Variants in SIL1 observed in about 807,000 individuals in gnomAD.
The protein encoded by SIL1 is SIL1 nucleotide exchange factor, also known as nucleotide exchange factor SIL1.
SIL1 carries 40 observed loss-of-function variants against 49.1 expected under a neutral mutation model. The observed-to-expected ratio is 0.81, with a 90% CI of 0.63 to 1.06. The LOEUF is 1.06. Among genes scored for constraint, SIL1 ranks in the 50% least tolerant of loss-of-function variants. The probability of loss-of-function intolerance (pLI) is 0.00; values close to 1 mark genes in which losing one functional copy is unlikely to be tolerated. For synonymous variants in SIL1, 253 were observed against 250.8 expected (o/e 1.01, Z -0.08); for missense variants, 500 against 572.6 (o/e 0.87, Z 1.29).
At chr5:139,168,534 G>A (rs1751670182) in intron 1 of SIL1, among the ~76,000 whole-genome samples, 1 of 152,136 alleles carries the variant, frequency 6.6e-6, no homozygotes, top group Non-Finnish European at 1.5e-5. Flanking sequence ...CAAAGTAGTA[G>A]CAGAGATTGT....
chr5:139,132,990 A>C (rs149423423), intron 1 of SIL1, among the ~76,000 whole-genome samples: 10 of 152,162 alleles, frequency 6.6e-5, no homozygotes, highest in African/African-American at 2.4e-4. Flanking sequence ...TGGCCTGATG[A>C]TAGTGCCATT....
At chr5:139,166,928 C>G (rs1303719782) in intron 1 of SIL1, among the ~76,000 whole-genome samples, 6 of 152,208 alleles carry the variant, frequency 3.9e-5, no homozygotes, top group Non-Finnish European at 7.3e-5. Context: ...CCTGCCTCAG[C>G]CTCCCAAGTA....
chr5:139,138,593 G>A (rs1327450431), intron 1 of SIL1, among the ~76,000 whole-genome samples: 2 of 152,186 alleles, frequency 1.3e-5, no homozygotes, highest in Non-Finnish European at 2.9e-5. Flanking sequence ...CTAGCTGTGT[G>A]ACTTTGGGCC....
chr5:139,038,833 A>G (rs1041683094), intron 5 of SIL1, among the ~76,000 whole-genome samples: 1 of 152,218 alleles, frequency 6.6e-6, no homozygotes, highest in African/African-American at 2.4e-5. Context: ...AGAGGGAAGC[A>G]GAATGCTGCC....
chr5:139,084,796 T>A (rs11242446), intron 3 of SIL1, among the ~76,000 whole-genome samples: 60,497 of 151,490 alleles, frequency 0.4, 12,485 homozygotes, highest in Middle Eastern at 0.46. Context: ...AAAATAAAAA[T>A]AAATAAAAAA....
At chr5:138,952,404 G>A (rs1216753864) in intron 7 of SIL1, among the ~76,000 whole-genome samples, 1 of 152,192 alleles carries the variant, frequency 6.6e-6, no homozygotes, top group African/African-American at 2.4e-5. Context: ...AAATGCTTGC[G>A]GGAGAAGGCA....
chr5:139,047,072 T>G (rs1314207994), intron 4 of SIL1, among the ~76,000 whole-genome samples: 4 of 152,236 alleles, frequency 2.6e-5, no homozygotes, highest in Admixed American at 6.5e-5. Flanking sequence ...GGCCCTGTCC[T>G]TAGCCCAACC....
intron 1 of SIL1, among the ~76,000 whole-genome samples, chr5:139,159,610 T>A (rs1751468838): frequency 6.6e-6 from 1 of 152,232 alleles, no homozygotes; most frequent in Admixed American, 6.5e-5. Flanking sequence ...TCCAGAATTT[T>A]GCTGCAATGG....
chr5:139,001,425 G>A (rs1294405793), intron 7 of SIL1, among the ~76,000 whole-genome samples: 1 of 152,166 alleles, frequency 6.6e-6, no homozygotes, highest in African/African-American at 2.4e-5. Flanking sequence ...GCAACATTGT[G>A]TATAACAGCA....
chr5:139,167,672 T>A (rs1057081027), intron 1 of SIL1, among the ~76,000 whole-genome samples: 9 of 152,078 alleles, frequency 5.9e-5, no homozygotes, highest in African/African-American at 1.7e-4. Flanking sequence ...GAAGAAAAAA[T>A]TTTTTATAAA....
chr5:139,191,326 G>GCATGGC (rs1190379854), intron 1 of SIL1, among the ~76,000 whole-genome samples: 1 of 150,834 alleles, frequency 6.6e-6, no homozygotes, highest in Non-Finnish European at 1.5e-5. Context: ...AGCACTCAAA[G>GCATGGC]CATGGCCAAT....
chr5:139,091,759 C>T (rs1581093190), intron 3 of SIL1, among the ~76,000 whole-genome samples: 1 of 152,228 alleles, frequency 6.6e-6, no homozygotes, highest in African/African-American at 2.4e-5. Context: ...GGCCAACACC[C>T]TGGTTTCAGG....
At chr5:139,170,321 G>A (rs1751725519) in intron 1 of SIL1, among the ~76,000 whole-genome samples, 1 of 151,962 alleles carries the variant, frequency 6.6e-6, no homozygotes, top group Non-Finnish European at 1.5e-5. Context: ...TCTCTGCTTG[G>A]CCGCCCATCG....
chr5:138,976,895 C>T (rs1286515841), intron 7 of SIL1, among the ~76,000 whole-genome samples: 3 of 152,296 alleles, frequency 2.0e-5, no homozygotes, highest in South Asian at 4.1e-4. Flanking sequence ...CCATCCATCA[C>T]GTTTCCCAGA....
chr5:139,028,820 G>C (rs1768721757), intron 5 of SIL1, among the ~76,000 whole-genome samples: 1 of 152,146 alleles, frequency 6.6e-6, no homozygotes, highest in African/African-American at 2.4e-5. Context: ...ATGTAGACTT[G>C]TGTAACTACC....
intron 1 of SIL1, among the ~76,000 whole-genome samples, chr5:139,184,236 C>A (rs1752040110): frequency 6.6e-6 from 1 of 152,180 alleles, no homozygotes; most frequent in Non-Finnish European, 1.5e-5. Flanking sequence ...AGGACTGCCT[C>A]ATTGCTACAA....
At chr5:139,119,010 T>C (rs1035550353) in intron 3 of SIL1, among the ~76,000 whole-genome samples, 2 of 152,172 alleles carry the variant, frequency 1.3e-5, no homozygotes, top group Non-Finnish European at 2.9e-5. Context: ...CCCTCTGAGC[T>C]ACAGGGCCTC....
chr5:138,982,391 A>G (rs1052073633), intron 7 of SIL1, among the ~76,000 whole-genome samples: 2 of 152,238 alleles, frequency 1.3e-5, no homozygotes, highest in African/African-American at 2.4e-5. Context: ...CCCTCCCTCC[A>G]TTAGGAAAAG....
chr5:139,051,039 A>G lies in SIL1; in HGVS notation c.252T>C (p.Ala84=), dbSNP rs1270654166. 2 of 1,613,960 alleles carry G rather than the reference A, an allele frequency of 1.2e-6. No individual in the cohort carries two copies. The highest frequency in any genetic ancestry group is 2.7e-5 in the African/African-American group (2 of 74,924). Residue 84 remains alanine (A), a synonymous_variant, in exon 4 of 10, where the codon GCT becomes GCC. Coordinates refer to ENST00000394817, the MANE Select transcript of SIL1 (RefSeq NM_022464.5). Reference sequence around the variant, plus strand: ...GCCGTACGTGGGATCCTGCAGGGACAGCCTGCCCTAAAAGCCAAGAAGAGA... The same window carrying G: ...GCCGTACGTGGGATCCTGCAGGGACGGCCTGCCCTAAAAGCCAAGAAGAGA... ...HEWQALQPGQ[A]VPAGSHVRLN...
Sources: gnomAD v4.1 joint callset for allele counts (sites outside exome capture counted in the v4.1 genomes callset) on GRCh38, gnomAD v4.1.1 for gene constraint, MANE v1.5 for transcripts, NCBI Gene and HGNC (gene_info 2026-07-23, HGNC 2026-07-21) for gene names.